KLHL1: variants seen among roughly 807,000 people sequenced by gnomAD.
KLHL1 encodes kelch-like protein 1.
In KLHL1, 47 loss-of-function variants were observed where a neutral mutation model predicts 77.7. The observed-to-expected ratio is 0.60, with a 90% CI of 0.48 to 0.77. The LOEUF is 0.77. KLHL1 is among the 30% of genes least tolerant of loss of function. The pLI is 0.00. For missense variants in KLHL1, 925 were observed against 910.8 expected, an observed-to-expected ratio of 1.02 and a Z score of -0.20; for synonymous variants, 360 against 325.2, an observed-to-expected ratio of 1.11 and a Z score of -1.15.
chr13:70,089,798 T>A (rs9572361), intron 1 of KLHL1, among the ~76,000 whole-genome samples: 1 of 151,984 alleles, frequency 6.6e-6, no homozygotes, highest in Non-Finnish European at 1.5e-5. Context: ...AAGTGAACTG[T>A]AGAAAAGAAG....
intron 1 of KLHL1, among the ~76,000 whole-genome samples, chr13:70,082,376 C>A (rs1887418387): frequency 7.3e-6 from 1 of 137,134 alleles, no homozygotes; most frequent in African/African-American, 2.8e-5. Context: ...CACAAAGGAA[C>A]CATAGTAGGT....
intron 7 of KLHL1, among the ~76,000 whole-genome samples, chr13:69,774,653 C>T (rs1405028432): frequency 2.1e-5 from 3 of 142,706 alleles, no homozygotes; most frequent in African/African-American, 7.6e-5. Context: ...ATAAACTTGC[C>T]TTCACTTAAT....
intron 1 of KLHL1, among the ~76,000 whole-genome samples, chr13:70,080,067 A>C (rs1400358001): frequency 6.6e-6 from 1 of 152,202 alleles, no homozygotes; most frequent in African/African-American, 2.4e-5. Flanking sequence ...TTCTTGCAGC[A>C]GTTACTTGGA....
intron 1 of KLHL1, among the ~76,000 whole-genome samples, chr13:69,992,200 A>AT (rs1357954285): frequency 1.3e-5 from 2 of 151,910 alleles, no homozygotes; most frequent in South Asian, 2.1e-4. Context: ...TATTTGTGTC[A>AT]TTTTTTTCTA....
intron 1 of KLHL1, among the ~76,000 whole-genome samples, chr13:70,098,036 C>T (rs377037600): frequency 7.1e-4 from 108 of 151,792 alleles, no homozygotes; most frequent in African/African-American, 2.5e-3. Flanking sequence ...ATATTAAAGC[C>T]TAGATAAAGC....
chr13:69,905,799 A>G (rs921822756), intron 4 of KLHL1, among the ~76,000 whole-genome samples: 4 of 152,082 alleles, frequency 2.6e-5, no homozygotes, highest in Non-Finnish European at 5.9e-5. Flanking sequence ...AATTCAGGGA[A>G]TCTACAAAAG....
At chr13:69,714,276 T>C (rs1200210481) in intron 9 of KLHL1, among the ~76,000 whole-genome samples, 1 of 152,148 alleles carries the variant, frequency 6.6e-6, no homozygotes, top group Non-Finnish European at 1.5e-5. Context: ...TTTTCAAGGT[T>C]GAGGAGAGGA....
intron 1 of KLHL1, among the ~76,000 whole-genome samples, chr13:70,073,557 TA>T (rs35548126): frequency 0.2 from 29,830 of 150,168 alleles, 3,129 homozygotes; most frequent in Admixed American, 0.27. Context: ...TAAAGTGTAA[TA>T]AAAAAAAAAA....
chr13:69,937,550 A>G (rs550235161), intron 4 of KLHL1, among the ~76,000 whole-genome samples: 2 of 152,308 alleles, frequency 1.3e-5, no homozygotes, highest in South Asian at 4.1e-4. Context: ...AGAGAGTACA[A>G]TGAGACTATT....
chr13:69,825,443 G>A (rs1001791507), intron 6 of KLHL1, among the ~76,000 whole-genome samples: 1 of 152,118 alleles, frequency 6.6e-6, no homozygotes, highest in African/African-American at 2.4e-5. Context: ...GTTAAATTAG[G>A]TGATGAAGAA....
At chr13:69,906,744 T>C (rs557237219) in intron 4 of KLHL1, among the ~76,000 whole-genome samples, 1 of 152,052 alleles carries the variant, frequency 6.6e-6, no homozygotes, top group South Asian at 2.1e-4. Context: ...GATCCTTTCT[T>C]CACTTATAAT....
At chr13:69,725,174 A>G (rs1566184698) in intron 8 of KLHL1, among the ~76,000 whole-genome samples, 1 of 152,196 alleles carries the variant, frequency 6.6e-6, no homozygotes, top group Non-Finnish European at 1.5e-5. Flanking sequence ...GGAAGTCACT[A>G]TCTTTATCTT....
intron 1 of KLHL1, among the ~76,000 whole-genome samples, chr13:70,074,075 C>T (rs1321880993): frequency 1.3e-5 from 2 of 152,086 alleles, no homozygotes; most frequent in Non-Finnish European, 2.9e-5. Context: ...GATCCGCCCA[C>T]CTCGGCCTCC....
intron 1 of KLHL1, among the ~76,000 whole-genome samples, chr13:70,038,793 G>A (rs548976105): frequency 1.1e-4 from 17 of 151,848 alleles, no homozygotes; most frequent in East Asian, 3.9e-4. Flanking sequence ...GTTTCACCAC[G>A]TTGGCCAGGC....
At chr13:69,781,444 A>C (rs1876203920) in intron 7 of KLHL1, among the ~76,000 whole-genome samples, 1 of 151,726 alleles carries the variant, frequency 6.6e-6, no homozygotes, top group African/African-American at 2.4e-5. Context: ...TAAGTTGAAA[A>C]CCTTTGCCTG....
rs114989437 is a variant in KLHL1, at chr13:69,801,033, G to A, written c.1415-4071C>T. Among the ~76,000 whole-genome samples the A allele has an allele frequency of 8.8e-3, 1,342 of 152,254 alleles. 10 individuals are homozygous for A. The highest frequency in any genetic ancestry group is 0.031 in the African/African-American group (1,278 of 41,552). On this transcript the variant is annotated intron_variant, in intron 6 of 10. Transcript: ENST00000377844. Reference sequence around the variant, plus strand: ...AAGGTGAAGTCGAATTACTCTGTGCGTAGAATATACATTATTCGGGTGATG... The same window carrying A: ...AAGGTGAAGTCGAATTACTCTGTGCATAGAATATACATTATTCGGGTGATG...
chr13:70,038,335 C>T (rs926613439), intron 1 of KLHL1, among the ~76,000 whole-genome samples: 1 of 152,040 alleles, frequency 6.6e-6, no homozygotes, highest in African/African-American at 2.4e-5. Flanking sequence ...CCATGTTTTG[C>T]CTATTACAAA....
chr13:69,837,604 ATCTC>A lies in KLHL1; in HGVS notation c.1414+1368_1414+1371del, dbSNP rs533594880. On this transcript the variant is annotated intron_variant, in intron 6 of 10. Coordinates refer to ENST00000377844, the MANE Select transcript of KLHL1 (RefSeq NM_020866.3). Reference sequence around the variant, plus strand: ...AGTTATACTATATATATACACATACATCTCTCTCTCTATATATATGTGTGTGTAT... The same window carrying A: ...AGTTATACTATATATATACACATACATCTCTCTATATATATGTGTGTGTAT... 1.3e-3 allele frequency among the ~76,000 whole-genome samples: 182 copies of A among 138,514 alleles called. 3 individuals are homozygous for A. Among genetic ancestry groups the A allele is most frequent in the African/African-American group, 4.1e-3 (147 of 35,866 alleles). 90.9% of individuals were successfully genotyped at this position (138,514 alleles called of 152,430 possible).
chr13:70,094,681 C>A (rs545606013), intron 1 of KLHL1, among the ~76,000 whole-genome samples: 13 of 152,048 alleles, frequency 8.5e-5, no homozygotes, highest in Non-Finnish European at 1.8e-4. Context: ...GAGAAGATTA[C>A]GGAACTTCAA....
Sources: gnomAD v4.1 joint callset for allele counts (sites outside exome capture counted in the v4.1 genomes callset) on GRCh38, gnomAD v4.1.1 for gene constraint, MANE v1.5 for transcripts, NCBI Gene and HGNC (gene_info 2026-07-23, HGNC 2026-07-21) for gene names.